PTPRT: variants seen among roughly 807,000 people sequenced by gnomAD.
The protein encoded by PTPRT is protein tyrosine phosphatase receptor type T, also known as receptor-type tyrosine-protein phosphatase T.
In PTPRT, 56 loss-of-function variants were observed where a neutral mutation model predicts 176.8. The ratio of observed to expected loss-of-function variants is 0.32; its 90% CI spans 0.26 to 0.40. The LOEUF is 0.40. Ranked by LOEUF, PTPRT falls within the 10% of genes least tolerant of loss-of-function variation. PTPRT has a pLI of 1.00. For missense variants in PTPRT, 1,540 were observed against 1,908.2 expected (o/e 0.81, Z 3.60); for synonymous variants, 783 against 739.0 (o/e 1.06, Z -0.96).
At chr20:42,797,914 T>C (rs964540114) in intron 2 of PTPRT, among the ~76,000 whole-genome samples, 10 of 152,152 alleles carry the variant, frequency 6.6e-5, no homozygotes, top group Non-Finnish European at 1.2e-4. Context: ...AACTCTACCC[T>C]AGAGCCTCCA....
At position 42,472,278 on chromosome 20, in the gene PTPRT, T is replaced by G. The variant is rs1016613135; in HGVS notation, c.1438A>C (p.Thr480Pro). 1 of 1,613,940 alleles carries G rather than the reference T, an allele frequency of 6.2e-7. No individual in the cohort carries two copies. Among genetic ancestry groups the G allele is most frequent in the African/African-American group, 1.3e-5 (1 of 74,942 alleles). Reference protein sequence around the residue: ...RMESEELVVQTEEDVPGAVPL... With the variant: ...RMESEELVVQPEEDVPGAVPL... ...CTCCCTTGCTCACCGTCTTCCTCAGTCTGCACCACCAGCTCCTCGCTCTCC... is the reference window on the plus strand; with the variant it reads ...CTCCCTTGCTCACCGTCTTCCTCAGGCTGCACCACCAGCTCCTCGCTCTCC... Residue 480 changes from threonine (T) to proline (P), a missense_variant, in exon 8 of 31, where the codon ACT becomes CCT. Coordinates refer to ENST00000373187, the MANE Select transcript of PTPRT (RefSeq NM_007050.6).
At chr20:42,116,495 A>C (rs1303674289) in intron 21 of PTPRT, among the ~76,000 whole-genome samples, 1 of 152,194 alleles carries the variant, frequency 6.6e-6, no homozygotes, top group Non-Finnish European at 1.5e-5. Context: ...CTTCCTATCA[A>C]TAATGATAGC....
chr20:42,626,705 A>C (rs950400735), intron 7 of PTPRT, among the ~76,000 whole-genome samples: 12 of 152,178 alleles, frequency 7.9e-5, no homozygotes, highest in Non-Finnish European at 1.5e-4. Context: ...GGGAGTAGCC[A>C]CAGAGGGTCA....
At chr20:42,661,289 A>G (rs867064926) in intron 7 of PTPRT, among the ~76,000 whole-genome samples, 9 of 152,324 alleles carry the variant, frequency 5.9e-5, no homozygotes, top group African/African-American at 1.9e-4. Flanking sequence ...TTTCTGTAAA[A>G]TATTTATTTT....
chr20:42,851,788 A>G (rs564831644), intron 2 of PTPRT, among the ~76,000 whole-genome samples: 1 of 152,362 alleles, frequency 6.6e-6, no homozygotes, highest in East Asian at 1.9e-4. Context: ...GTTTCAATAC[A>G]TTTAATTTAC....
chr20:42,751,825 G>C (rs1024688912), intron 6 of PTPRT, among the ~76,000 whole-genome samples: 1 of 152,084 alleles, frequency 6.6e-6, no homozygotes, highest in Non-Finnish European at 1.5e-5. Flanking sequence ...CTACTTTTCA[G>C]GTTTTGGAAC....
chr20:42,489,077 G>C (rs1489178839), intron 7 of PTPRT, among the ~76,000 whole-genome samples: 1 of 137,916 alleles, frequency 7.3e-6, no homozygotes, highest in African/African-American at 2.7e-5. Flanking sequence ...TGATTCTCAA[G>C]GTTTTATTTT....
intron 7 of PTPRT, among the ~76,000 whole-genome samples, chr20:42,566,120 AT>A (rs2145668451): frequency 6.6e-6 from 1 of 150,652 alleles, no homozygotes; most frequent in South Asian, 2.1e-4. Flanking sequence ...TTAAAAAAAA[AT>A]AGATTCAATT....
At chr20:42,234,298 T>C (rs2056195127) in intron 15 of PTPRT, among the ~76,000 whole-genome samples, 1 of 152,156 alleles carries the variant, frequency 6.6e-6, no homozygotes, top group African/African-American at 2.4e-5. Flanking sequence ...TTACCCTCAT[T>C]TTATAATTAA....
intron 1 of PTPRT, among the ~76,000 whole-genome samples, chr20:43,134,295 T>C (rs1318292192): frequency 2.6e-5 from 4 of 152,212 alleles, no homozygotes; most frequent in Non-Finnish European, 5.9e-5. Context: ...TTCTGAACCT[T>C]TTCCTTGGCC....
intron 16 of PTPRT, among the ~76,000 whole-genome samples, chr20:42,169,872 GGGGC>G (rs1990004849): frequency 6.6e-6 from 1 of 151,712 alleles, no homozygotes; most frequent in Non-Finnish European, 1.5e-5. Flanking sequence ...TGACTTGGTG[GGGGC>G]GGGGGCAGGG....
the PTPRT span, among the ~76,000 whole-genome samples, chr20:42,047,523 A>G: frequency 2.6e-5 from 4 of 152,178 alleles, no homozygotes; most frequent in African/African-American, 9.7e-5. Flanking sequence ...TTGGCCTTCC[A>G]TGCAGATTCT....
chr20:42,631,970 G>A lies in PTPRT; in HGVS notation c.1153+45896C>T, dbSNP rs183821108. Among the ~76,000 whole-genome samples, 3 of 152,234 alleles carry A rather than the reference G, an allele frequency of 2.0e-5. No homozygotes were observed. The East Asian group carries it at 5.8e-4, about 29-fold the overall frequency. ...GCCAGATAGTTTATGCAAACAATGT[G>A]ATTTATGGTGAATGCCTGTTTTTGT... On this transcript the variant is annotated intron_variant, in intron 7 of 30. Coordinates refer to ENST00000373187, the MANE Select transcript of PTPRT (RefSeq NM_007050.6).
intron 7 of PTPRT, among the ~76,000 whole-genome samples, chr20:42,474,468 C>G (rs2071252675): frequency 6.6e-6 from 1 of 152,174 alleles, no homozygotes; most frequent in South Asian, 2.1e-4. Flanking sequence ...TAGTGGGCAG[C>G]CCTGGCCCCT....
At chr20:42,675,403 A>T (rs2146053442) in intron 7 of PTPRT, among the ~76,000 whole-genome samples, 1 of 152,342 alleles carries the variant, frequency 6.6e-6, no homozygotes, top group Admixed American at 6.5e-5. Context: ...TATATATCGT[A>T]GGCAATCTTA....
intron 1 of PTPRT, among the ~76,000 whole-genome samples, chr20:43,111,398 G>C (rs2012859923): frequency 6.6e-6 from 1 of 151,856 alleles, no homozygotes; most frequent in Non-Finnish European, 1.5e-5. Context: ...ACAAAAATTA[G>C]CCGGGCGTGG....
At chr20:42,128,637 C>A in intron 19 of PTPRT, 117 bp downstream of exon 19, 1 of 835,918 alleles carries the variant, frequency 1.2e-6, no homozygotes, top group South Asian at 2.6e-5. Context: ...TTCCACATAT[C>A]AAGGAGGATC....
intron 22 of PTPRT, among the ~76,000 whole-genome samples, chr20:42,112,516 A>G (rs577325179): frequency 6.6e-6 from 1 of 152,122 alleles, no homozygotes; most frequent in East Asian, 1.9e-4. Flanking sequence ...ATGTTCTGGG[A>G]AAAACAGAAA....
chr20:42,786,395 GGAA>G (rs1270484325), intron 3 of PTPRT, among the ~76,000 whole-genome samples: 3 of 152,134 alleles, frequency 2.0e-5, no homozygotes, highest in Non-Finnish European at 4.4e-5. Context: ...TACACAACTA[GGAA>G]GAAGATTCTC....
Sources: allele counts gnomAD v4.1 joint callset (sites outside exome capture counted in the v4.1 genomes callset), GRCh38; gene constraint gnomAD v4.1.1; transcripts MANE v1.5; gene names NCBI Gene and HGNC (gene_info 2026-07-23, HGNC 2026-07-21).